Variants in SV2C observed in about 807,000 individuals in gnomAD.
SV2C encodes solute carrier family 22 member B3.
In SV2C, 49 loss-of-function variants were observed where a neutral mutation model predicts 79.7. The observed-to-expected ratio is 0.61, with a 90% CI of 0.49 to 0.78. The LOEUF is 0.78. Among genes scored for constraint, SV2C ranks in the 30% least tolerant of loss-of-function variants. The pLI, the probability that SV2C is intolerant of heterozygous loss-of-function variation, is 0.00. For synonymous variants in SV2C, 334 were observed against 333.2 expected (o/e 1.00, Z -0.03); for missense variants, 833 against 912.9 (o/e 0.91, Z 1.13).
the SV2C span, chr5:75,911,255 T>A: frequency 3.3e-6 from 5 of 1,502,474 alleles, no homozygotes; most frequent in Non-Finnish European, 4.6e-6. Flanking sequence ...CAGGAGGAAG[T>A]TCTCCCTAGC....
At chr5:76,285,336 A>G (rs1747317906) in intron 5 of SV2C, 41 bp downstream of exon 5, 5 of 1,605,958 alleles carry the variant, frequency 3.1e-6, no homozygotes, top group Admixed American at 3.4e-5. Context: ...GCCCACCTCT[A>G]TTGGAAAAAG....
At chr5:76,149,497 C>G (rs1466073083) in intron 2 of SV2C, among the ~76,000 whole-genome samples, 1 of 152,066 alleles carries the variant, frequency 6.6e-6, no homozygotes, top group Admixed American at 6.6e-5. Context: ...AGCCTCCCAG[C>G]CAAGAAGCAG....
the SV2C span, among the ~76,000 whole-genome samples, chr5:75,849,444 TA>T: frequency 5.3e-5 from 8 of 152,166 alleles, no homozygotes; most frequent in African/African-American, 1.9e-4. Flanking sequence ...CCTTTATATT[TA>T]AAAAAAGACC....
At chr5:76,048,585 A>G in the SV2C span, among the ~76,000 whole-genome samples, 1 of 152,150 alleles carries the variant, frequency 6.6e-6, no homozygotes, top group Non-Finnish European at 1.5e-5. Context: ...AAAGGTGATG[A>G]AGTAAAAATG....
intron 1 of SV2C, among the ~76,000 whole-genome samples, chr5:76,094,416 G>A (rs1747478607): frequency 6.6e-6 from 1 of 152,104 alleles, no homozygotes; most frequent in African/African-American, 2.4e-5. Context: ...GAATCATACA[G>A]TATGTACTCT....
At chr5:76,336,114 C>G (rs903623980), downstream of SV2C, among the ~76,000 whole-genome samples, 2 of 141,078 alleles carry the variant, frequency 1.4e-5, no homozygotes, top group Non-Finnish European at 3.2e-5. Flanking sequence ...CCCCCCCCAC[C>G]TCCCTCCCGG....
chr5:76,230,872 A>G (rs74908303), intron 4 of SV2C, among the ~76,000 whole-genome samples: 17,851 of 152,110 alleles, frequency 0.12, 3,050 homozygotes, highest in African/African-American at 0.38. Context: ...ACTATGAATC[A>G]GAGGCTATAT....
chr5:75,978,253 C>A, the SV2C span, among the ~76,000 whole-genome samples: 4 of 152,300 alleles, frequency 2.6e-5, no homozygotes, highest in South Asian at 8.3e-4. Flanking sequence ...CACCATTTCT[C>A]TTGGCCCTCC....
chr5:76,132,771 T>C (rs1404995825), intron 2 of SV2C, among the ~76,000 whole-genome samples: 1 of 152,158 alleles, frequency 6.6e-6, no homozygotes, highest in Non-Finnish European at 1.5e-5. Flanking sequence ...CAAATGTCAA[T>C]TTTTATGTGT....
At chr5:76,172,915 G>T (rs1477178642) in intron 2 of SV2C, among the ~76,000 whole-genome samples, 1 of 115,884 alleles carries the variant, frequency 8.6e-6, no homozygotes, top group Non-Finnish European at 1.8e-5. Flanking sequence ...ACTGCGGAAG[G>T]CCTCAGGGTC....
the SV2C span, among the ~76,000 whole-genome samples, chr5:75,964,955 A>ATT: frequency 6.6e-6 from 1 of 152,214 alleles, no homozygotes; most frequent in East Asian, 1.9e-4. Flanking sequence ...AATGTTTAGC[A>ATT]TCCCAATACA....
intron 2 of SV2C, among the ~76,000 whole-genome samples, chr5:76,176,462 C>T (rs1386935794): frequency 6.6e-6 from 1 of 152,170 alleles, no homozygotes; most frequent in Non-Finnish European, 1.5e-5. Flanking sequence ...GTTCACTCCA[C>T]ATATTTCTTC....
chr5:76,061,999 C>G, the SV2C span, among the ~76,000 whole-genome samples: 1 of 151,922 alleles, frequency 6.6e-6, no homozygotes, highest in African/African-American at 2.4e-5. Flanking sequence ...GAGTGTTTAG[C>G]TGAAATGATT....
At chr5:75,925,453 C>T in the SV2C span, among the ~76,000 whole-genome samples, 1 of 152,138 alleles carries the variant, frequency 6.6e-6, no homozygotes, top group African/African-American at 2.4e-5. Flanking sequence ...TACCATACAC[C>T]ATATAGGTAG....
the SV2C span, among the ~76,000 whole-genome samples, chr5:75,928,797 T>A: frequency 6.6e-6 from 1 of 152,156 alleles, no homozygotes; most frequent in East Asian, 1.9e-4. Context: ...CCTCTCTCCA[T>A]CTTCCACTCC....
At chr5:76,179,510 T>C (rs1743653439) in intron 2 of SV2C, among the ~76,000 whole-genome samples, 1 of 152,204 alleles carries the variant, frequency 6.6e-6, no homozygotes, top group South Asian at 2.1e-4. Context: ...AAATCATTAA[T>C]AGTCATAATA....
At chr5:76,130,624 A>C (rs1748856571) in intron 1 of SV2C, among the ~76,000 whole-genome samples, 1 of 152,192 alleles carries the variant, frequency 6.6e-6, no homozygotes, top group Admixed American at 6.5e-5. Flanking sequence ...CACATGAGCC[A>C]CCAGAAGAGG....
intron 2 of SV2C, among the ~76,000 whole-genome samples, chr5:76,153,936 A>G (rs1412637490): frequency 6.6e-6 from 1 of 152,216 alleles, no homozygotes; most frequent in Non-Finnish European, 1.5e-5. Flanking sequence ...TCACTTTTCC[A>G]GAGCTTCTCA....
Position 76,237,969 on chromosome 5 carries a change from A to AAC in SV2C, c.913+28104_913+28105dup, listed in dbSNP as rs200837649. Among the ~76,000 whole-genome samples, 272 of 137,004 alleles carry AAC rather than the reference A, an allele frequency of 2.0e-3. 1 individual carries two copies. The highest frequency in any genetic ancestry group is 7.2e-3 in the East Asian group (35 of 4,860). 89.9% of individuals were successfully genotyped at this position (137,004 alleles called of 152,430 possible). The stretch of plus-strand genomic sequence containing the variant: ...GCTTATGGCCCTAGTCCAGAGGACT[A>AAC]ACACACACACACACACACACACATA... On this transcript the variant is annotated intron_variant, in intron 4 of 12. Transcript: ENST00000502798.
Sources: gnomAD v4.1 joint callset for allele counts (sites outside exome capture counted in the v4.1 genomes callset) on GRCh38, gnomAD v4.1.1 for gene constraint, MANE v1.5 for transcripts, NCBI Gene and HGNC (gene_info 2026-07-23, HGNC 2026-07-21) for gene names.